PPP2R5E: variants seen among roughly 807,000 people sequenced by gnomAD.
PPP2R5E encodes protein phosphatase 2 regulatory subunit B'epsilon.
Under a neutral mutation model 65.3 loss-of-function variants are expected in PPP2R5E, and 4 were observed. The ratio of observed to expected loss-of-function variants is 0.06; its 90% CI spans 0.03 to 0.14. PPP2R5E has a LOEUF of 0.14. PPP2R5E is among the 10% of genes least tolerant of loss of function. PPP2R5E has a pLI of 1.00. For missense variants in PPP2R5E, 274 were observed against 556.1 expected (o/e 0.49, Z 5.10); for synonymous variants, 183 against 187.4 (o/e 0.98, Z 0.19).
chr14:63,462,195 C>T (rs962355508), intron 2 of PPP2R5E, among the ~76,000 whole-genome samples: 9 of 151,942 alleles, frequency 5.9e-5, no homozygotes, highest in East Asian at 1.9e-4. Flanking sequence ...TTCAGCTTCC[C>T]GAGTAGCTGG....
At chr14:63,528,796 A>T (rs757469049) in intron 2 of PPP2R5E, among the ~76,000 whole-genome samples, 1 of 152,214 alleles carries the variant, frequency 6.6e-6, no homozygotes, top group Non-Finnish European at 1.5e-5. Flanking sequence ...GTCAACCTAA[A>T]TGTGAAATAA....
intron 2 of PPP2R5E, among the ~76,000 whole-genome samples, chr14:63,497,913 A>G (rs1349435752): frequency 6.6e-6 from 1 of 152,230 alleles, no homozygotes; most frequent in East Asian, 1.9e-4. Context: ...ATCACCTGGC[A>G]TCACACTTCT....
chr14:63,419,557 G>A (rs1445104907), intron 4 of PPP2R5E, among the ~76,000 whole-genome samples: 1 of 151,616 alleles, frequency 6.6e-6, no homozygotes, highest in Non-Finnish European at 1.5e-5. Context: ...TGGAAAGGTG[G>A]CTAATTTGTG....
intron 2 of PPP2R5E, among the ~76,000 whole-genome samples, chr14:63,504,992 G>A (rs1034462146): frequency 6.6e-6 from 1 of 152,168 alleles, no homozygotes; most frequent in East Asian, 1.9e-4. Context: ...TCATTGGGAA[G>A]ACAAAGTTTT....
intron 11 of PPP2R5E, among the ~76,000 whole-genome samples, chr14:63,387,509 T>C (rs10148077): frequency 0.15 from 22,975 of 151,834 alleles, 2,408 homozygotes; most frequent in East Asian, 0.48. Context: ...ATGATAAGTG[T>C]CTGGCTACAT....
rs780143839 is a variant in PPP2R5E, at chr14:63,453,607, G to A, written c.354+82C>T. Reference sequence around the variant, plus strand: ...CTCATTTGTGGAGTTGACCTCCAATGACCTCACTCTTGCAATATATACACC... The same window carrying A: ...CTCATTTGTGGAGTTGACCTCCAATAACCTCACTCTTGCAATATATACACC... On this transcript the variant is annotated intron_variant, in intron 3 of 13. Transcript: ENST00000337537. The A allele has an allele frequency of 1.0e-5, 14 of 1,371,694 alleles. No homozygotes were observed. In the East Asian group the frequency reaches 3.2e-4, roughly 32 times the overall value. The allele number at this position is 1,371,694 out of a possible 1,614,324, so 85.0% of individuals were successfully genotyped here. A position where few individuals can be genotyped will look rare whatever the true frequency, so the allele number is the denominator to read the frequency against.
intron 4 of PPP2R5E, among the ~76,000 whole-genome samples, chr14:63,419,333 T>C (rs757536959): frequency 2.0e-5 from 3 of 152,220 alleles, no homozygotes; most frequent in African/African-American, 7.2e-5. Context: ...AAAGGAAGCG[T>C]ACTGCTAATT....
intron 2 of PPP2R5E, among the ~76,000 whole-genome samples, chr14:63,508,795 T>C (rs555973848): frequency 6.6e-6 from 1 of 152,242 alleles, no homozygotes; most frequent in African/African-American, 2.4e-5. Context: ...GCTTTCCAGC[T>C]TTCTAATTCA....
intron 13 of PPP2R5E, among the ~76,000 whole-genome samples, chr14:63,379,419 G>A (rs1884182206): frequency 6.6e-6 from 1 of 152,056 alleles, no homozygotes; most frequent in Non-Finnish European, 1.5e-5. Context: ...TTACAGGCAT[G>A]TGCCTCCACG....
chr14:63,519,787 G>A (rs1444556642), intron 2 of PPP2R5E, among the ~76,000 whole-genome samples: 5 of 151,194 alleles, frequency 3.3e-5, no homozygotes, highest in Non-Finnish European at 7.4e-5. Flanking sequence ...TCAGCCTCCC[G>A]AGTAGCTGGG....
intron 3 of PPP2R5E, among the ~76,000 whole-genome samples, chr14:63,450,507 C>A (rs1226830571): frequency 1.3e-5 from 2 of 152,146 alleles, no homozygotes; most frequent in African/African-American, 2.4e-5. Flanking sequence ...TAACACCAAG[C>A]TGGTCCATAT....
chr14:63,508,768 A>C (rs1892333763), intron 2 of PPP2R5E, among the ~76,000 whole-genome samples: 1 of 152,182 alleles, frequency 6.6e-6, no homozygotes, highest in Admixed American at 6.6e-5. Flanking sequence ...TAAATATTTA[A>C]AGCTCTCTCT....
intron 2 of PPP2R5E, among the ~76,000 whole-genome samples, chr14:63,473,365 G>A (rs1411439141): frequency 1.3e-5 from 2 of 152,094 alleles, no homozygotes; most frequent in Non-Finnish European, 2.9e-5. Flanking sequence ...CTGAGTAAGG[G>A]GAAAACGAAG....
chr14:63,445,790 G>A (rs565483296), intron 3 of PPP2R5E, among the ~76,000 whole-genome samples: 1 of 151,874 alleles, frequency 6.6e-6, no homozygotes, highest in South Asian at 2.1e-4. Flanking sequence ...TGCAGTGAGC[G>A]GAGATTGTGC....
At chr14:63,504,527 A>C (rs1191791742) in intron 2 of PPP2R5E, among the ~76,000 whole-genome samples, 5 of 152,204 alleles carry the variant, frequency 3.3e-5, no homozygotes, top group Admixed American at 6.5e-5. Flanking sequence ...GGTTGCAGTG[A>C]GCTGAGATCT....
chr14:63,396,531 A>G (rs955355632), intron 6 of PPP2R5E, 55 bp downstream of exon 6: 21 of 1,584,490 alleles, frequency 1.3e-5, no homozygotes, highest in Non-Finnish European at 1.8e-5. Context: ...TTTACTTAAT[A>G]CTCATAAAAA....
chr14:63,469,337 C>T (rs1889996836), intron 2 of PPP2R5E, among the ~76,000 whole-genome samples: 1 of 152,142 alleles, frequency 6.6e-6, no homozygotes, highest in African/African-American at 2.4e-5. Context: ...AATGGATCTA[C>T]TCTCAAAAAA....
intron 3 of PPP2R5E, among the ~76,000 whole-genome samples, chr14:63,450,411 C>T (rs915939899): frequency 6.6e-6 from 1 of 152,086 alleles, no homozygotes; most frequent in Non-Finnish European, 1.5e-5. Context: ...AAAACACATA[C>T]AAATGATAGG....
At chr14:63,446,179 T>A (rs188091862) in intron 3 of PPP2R5E, among the ~76,000 whole-genome samples, 8 of 152,340 alleles carry the variant, frequency 5.3e-5, no homozygotes, top group African/African-American at 1.9e-4. Flanking sequence ...ATCTTCAGGC[T>A]CTACTTCTCA....
Sources: gnomAD v4.1 joint callset for allele counts (sites outside exome capture counted in the v4.1 genomes callset) on GRCh38, gnomAD v4.1.1 for gene constraint, MANE v1.5 for transcripts, NCBI Gene and HGNC (gene_info 2026-07-23, HGNC 2026-07-21) for gene names.